Variants in TJP3 observed in about 807,000 individuals in gnomAD.
TJP3 encodes the protein tight junction protein 3, also known as tight junction protein ZO-3.
A neutral mutation model predicts 104.2 loss-of-function variants in TJP3; 85 were observed. The ratio of observed to expected loss-of-function variants is 0.82; its 90% confidence interval spans 0.68 to 0.98. The LOEUF (loss-of-function observed/expected upper bound fraction) is 0.98. TJP3 is among the 50% of genes least tolerant of loss of function. The pLI is 0.00. For synonymous variants in TJP3, 550 were observed against 550.6 expected (o/e 1.00, Z 0.02); for missense variants, 1,367 against 1,322.8 (o/e 1.03, Z -0.52).
chr19:3,746,101 G>A lies in TJP3; in HGVS notation c.2010+20G>A, dbSNP rs555850492. On this transcript the variant is annotated intron_variant, in intron 16 of 20. Transcript: ENST00000541714. This position sits in a 1 kb window ranked among gnomAD's most constrained non-coding sequence, Gnocchi z 4.1. ...GAAAAAGTAAGCCGGGTCCTGCTAC[G>A]GGTCCCATTTCATGGATGGGGGAAA... The A allele has an allele frequency of 2.0e-5, 32 of 1,593,718 alleles. No homozygotes were observed. The highest frequency in any genetic ancestry group is 2.3e-5 in the East Asian group (1 of 44,254).
At chr19:3,738,837 G>A in intron 12 of TJP3, 60 bp from the exon 13 acceptor site, 4 of 1,472,210 alleles carry the variant, frequency 2.7e-6, no homozygotes, top group Non-Finnish European at 2.8e-6. Flanking sequence ...ACTCTCGGGT[G>A]GGGAGGGCTC....
At position 3,730,429 on chromosome 19, in the gene TJP3, G is replaced by A. The variant is rs374674671; in HGVS notation, c.336G>A (p.Ser112=). ...CCTCCAGCCCAGGGCGCCAGGACTCGGATGAAGACGATGGGCCCCAGCGGG... is the reference window on the plus strand; with the variant it reads ...CCTCCAGCCCAGGGCGCCAGGACTCAGATGAAGACGATGGGCCCCAGCGGG... The part of the protein sequence containing the change: ...ASPSSPGRQD[S]DEDDGPQRVE... The change falls in exon 5 of 21, where the codon TCG becomes TCA. Residue 112 remains serine, a synonymous_variant. Transcript: ENST00000541714. This position sits in a 1 kb window ranked among gnomAD's most constrained non-coding sequence, Gnocchi z 7.3. The A allele has an allele frequency of 1.2e-3, 1,938 of 1,590,872 alleles. 1 individual carries two copies. Among genetic ancestry groups the A allele is most frequent in the Admixed American group, 1.9e-3 (104 of 56,084 alleles).
chr19:3,712,339 A>G (rs72984705), intron 1 of TJP3, among the ~76,000 whole-genome samples: 5 of 152,188 alleles, frequency 3.3e-5, no homozygotes, highest in Non-Finnish European at 5.9e-5. Context: ...CGTGCCCAGA[A>G]TGACAGCACC....
At chr19:3,728,813 G>A (rs998730846) in intron 3 of TJP3, 100 bp downstream of exon 3, 8 of 1,313,046 alleles carry the variant, frequency 6.1e-6, no homozygotes, top group African/African-American at 4.3e-5. Flanking sequence ...AGCACTTTGC[G>A]AGGCTGAAGT....
chr19:3,724,656 C>G (rs974526491), intron 1 of TJP3, among the ~76,000 whole-genome samples: 1 of 152,208 alleles, frequency 6.6e-6, no homozygotes, highest in African/African-American at 2.4e-5. Context: ...TCTGCCTCAG[C>G]CTCTCGAGGA....
intron 19 of TJP3, among the ~76,000 whole-genome samples, chr19:3,748,928 G>A (rs1445828586): frequency 7.0e-6 from 1 of 142,926 alleles, no homozygotes; most frequent in African/African-American, 2.6e-5. Flanking sequence ...GCACGATCTG[G>A]GCTCACTGCA....
At chr19:3,735,675 T>C (rs1249489679) in intron 9 of TJP3, 36 bp downstream of exon 9, 1 of 1,612,868 alleles carries the variant, frequency 6.2e-7, no homozygotes, top group Non-Finnish European at 8.5e-7. Context: ...GTCCCTGACA[T>C]TTCTGATCCC....
chr19:3,740,005 G>A (rs577313152), intron 13 of TJP3, among the ~76,000 whole-genome samples: 18 of 151,856 alleles, frequency 1.2e-4, no homozygotes, highest in East Asian at 7.7e-4. Context: ...AGGCTGAGGC[G>A]GGCAGATCAC....
chr19:3,727,998 G>A (rs527301874), intron 1 of TJP3, among the ~76,000 whole-genome samples: 1 of 152,028 alleles, frequency 6.6e-6, no homozygotes, highest in Non-Finnish European at 1.5e-5. Flanking sequence ...CCAGCACTTT[G>A]GGAGGCCGAG....
chr19:3,741,533 A>G (rs1046367916), intron 14 of TJP3, among the ~76,000 whole-genome samples: 3 of 148,840 alleles, frequency 2.0e-5, no homozygotes, highest in Non-Finnish European at 3.0e-5. Context: ...AGGCTGAGGC[A>G]GGAGAATCAC....
At chr19:3,726,234 G>C (rs1484219240) in intron 1 of TJP3, among the ~76,000 whole-genome samples, 1 of 152,228 alleles carries the variant, frequency 6.6e-6, no homozygotes, top group East Asian at 1.9e-4. Flanking sequence ...AGGAGGGAAG[G>C]GAGGGTGGAG....
intron 1 of TJP3, among the ~76,000 whole-genome samples, chr19:3,724,535 G>A (rs2036578465): frequency 6.6e-6 from 1 of 151,768 alleles, no homozygotes; most frequent in African/African-American, 2.4e-5. Flanking sequence ...ATTCCTTGGG[G>A]CCATTTAAAA....
chr19:3,730,457 G>A lies in TJP3; in HGVS notation c.364G>A (p.Glu122Lys), dbSNP rs759077725. 3.8e-6 allele frequency: 6 copies of A among 1,586,922 alleles called. No homozygotes were observed. The highest frequency in any genetic ancestry group is 5.1e-6 in the Non-Finnish European group (6 of 1,167,128). ...TGAAGACGATGGGCCCCAGCGGGTG[G>A]AGGAGGTGGACCAGGGCCGGGGCTA... ...SDEDDGPQRV[E>K]EVDQGRGYDG... The change falls in exon 5 of 21, where the codon GAG becomes AAG. Residue 122 changes from glutamate to lysine, a missense_variant. Physicochemically the swap from Glu to Lys is moderately conservative, Grantham distance 56. Transcript: ENST00000541714. The surrounding 1 kb of genome is among the most constrained non-coding windows in gnomAD (Gnocchi z 7.3).
chr19:3,744,098 G>T, intron 15 of TJP3, 64 bp downstream of exon 15: 3 of 1,487,796 alleles, frequency 2.0e-6, no homozygotes, highest in Non-Finnish European at 2.8e-6. Context: ...TTTTTTGTGG[G>T]GGGTCGGGGG....
At position 3,730,247 on chromosome 19, in the gene TJP3, A is replaced by G; in HGVS notation, c.262-108A>G. On this transcript the variant is annotated intron_variant, in intron 4 of 20. Coordinates refer to ENST00000541714, the MANE Select transcript of TJP3 (RefSeq NM_001267560.2). This position sits in a 1 kb window ranked among gnomAD's most constrained non-coding sequence, Gnocchi z 7.3. ...CATCTTCTCATCTTACAGTTTGGAC[A>G]TTGAGGCCCAGAGAGAGACTGGTGT... 1.3e-6 allele frequency: 2 copies of G among 1,490,146 alleles called. No homozygotes were observed. The highest frequency in any genetic ancestry group is 1.8e-6 in the Non-Finnish European group (2 of 1,087,414). The allele number at this position is 1,490,146 out of a possible 1,614,324, so 92.3% of individuals were successfully genotyped here.
At position 3,739,137 on chromosome 19, in the gene TJP3, G is replaced by C; in HGVS notation, c.1631+3G>C. ...GGCATCATTCCCAACCAGAGCAGGT[G>C]GGGACTGTGTGCTCCTGCAGTGGGG... On this transcript the variant is annotated splice_donor_region_variant and intron_variant, in intron 13 of 20. Transcript: ENST00000541714. 6.5e-7 allele frequency: 1 copy of C among 1,535,076 alleles called. No individual in the cohort carries two copies.
In TJP3 at chr19:3,740,651, G is replaced by A; in HGVS notation, c.1731G>A (p.Leu577=). Residue 577 remains leucine (L), a synonymous_variant, in exon 14 of 21, where the codon CTG becomes CTA. Transcript: ENST00000541714. ...ATGCTCGGGCCGAGTTCTGGCGGCTGCGGGGTCTTCGTCGAGGAGCCAAGA... is the reference window on the plus strand; with the variant it reads ...ATGCTCGGGCCGAGTTCTGGCGGCTACGGGGTCTTCGTCGAGGAGCCAAGA... The part of the protein sequence containing the change: ...GSNARAEFWR[L]RGLRRGAKKT... 1 of 1,605,476 alleles carries A rather than the reference G, an allele frequency of 6.2e-7. No individual in the cohort carries two copies. The highest frequency in any genetic ancestry group is 8.5e-7 in the Non-Finnish European group (1 of 1,176,574).
chr19:3,740,846 A>C, intron 14 of TJP3, 83 bp downstream of exon 14: 2 of 1,344,314 alleles, frequency 1.5e-6, no homozygotes, highest in Non-Finnish European at 2.0e-6. Context: ...CAGCCTCTAA[A>C]AGGCACAGTC....
rs139139130 is a variant in TJP3 at position 3,714,801 on chromosome 19, G to A, written c.-10+6240G>A. Among the ~76,000 whole-genome samples the A allele has an allele frequency of 2.0e-3, 304 of 152,070 alleles. 2 individuals are homozygous for A. Among genetic ancestry groups the A allele is most frequent in the African/African-American group, 6.8e-3 (281 of 41,512 alleles). On this transcript the variant is annotated intron_variant, in intron 1 of 20. Transcript: ENST00000541714. The stretch of plus-strand genomic sequence containing the variant: ...CAAGCACTCAGAAGGGGTTGAGCTG[G>A]CTCATCCCAGGGAGGCCTCCAGAAC...
Sources: gnomAD v4.1 joint callset for allele counts (sites outside exome capture counted in the v4.1 genomes callset) on GRCh38, gnomAD v4.1.1 for gene constraint, Gnocchi (gnomAD v3.1) non-coding constraint, MANE v1.5 for transcripts, NCBI Gene and HGNC (gene_info 2026-07-23, HGNC 2026-07-21) for gene names.